Variants in HDAC9 observed in about 807,000 individuals in gnomAD.
HDAC9 encodes MEF-2 interacting transcription repressor (MITR) protein.
HDAC9 carries 41 observed loss-of-function variants against 139.4 expected under a neutral mutation model. That is an observed-to-expected ratio of 0.29 (90% confidence interval 0.23 to 0.38). HDAC9 has a LOEUF of 0.38. Ranked by LOEUF, HDAC9 falls within the 10% of genes least tolerant of loss-of-function variation. The probability of loss-of-function intolerance (pLI) is 1.00; values close to 1 mark genes in which losing one functional copy is unlikely to be tolerated. For synonymous variants in HDAC9, 517 were observed against 476.2 expected (o/e 1.09, Z -1.12); for missense variants, 1,147 against 1,297.0 (o/e 0.88, Z 1.78).
intron 2 of HDAC9, among the ~76,000 whole-genome samples, chr7:18,272,893 T>C (rs958144366): frequency 2.0e-5 from 3 of 150,984 alleles, no homozygotes; most frequent in African/African-American, 7.3e-5. Context: ...AGAATGGCAT[T>C]ATAAGATAAC....
At chr7:18,455,458 GA>G (rs1258135286) in intron 1 of HDAC9, among the ~76,000 whole-genome samples, 1 of 152,136 alleles carries the variant, frequency 6.6e-6, no homozygotes, top group African/African-American at 2.4e-5. Flanking sequence ...AATGGAAAAA[GA>G]ATTTTGTTAC....
chr7:18,507,693 A>G, intron 2 of HDAC9, among the ~76,000 whole-genome samples: 1 of 151,972 alleles, frequency 6.6e-6, no homozygotes, highest in Non-Finnish European at 1.5e-5. Context: ...GTTTCTTCAC[A>G]TTGGTCAGGC....
chr7:18,843,105 A>G (rs114815372), intron 21 of HDAC9, among the ~76,000 whole-genome samples: 356 of 152,268 alleles, frequency 2.3e-3, no homozygotes, highest in African/African-American at 8.3e-3. Context: ...TGGAATCTGT[A>G]TAGCAATTAA....
At chr7:18,183,442 C>G (rs1789663612) in intron 2 of HDAC9, among the ~76,000 whole-genome samples, 1 of 152,212 alleles carries the variant, frequency 6.6e-6, no homozygotes, top group Non-Finnish European at 1.5e-5. Context: ...GGAGACAAAT[C>G]TAAAGAATTT....
chr7:18,424,995 C>T (rs941820948), intron 1 of HDAC9, among the ~76,000 whole-genome samples: 1 of 152,078 alleles, frequency 6.6e-6, no homozygotes, highest in Admixed American at 6.6e-5. Flanking sequence ...TCAAATTGCA[C>T]ATTACTGATG....
At chr7:18,257,796 C>G (rs1425038457) in intron 2 of HDAC9, among the ~76,000 whole-genome samples, 1 of 152,178 alleles carries the variant, frequency 6.6e-6, no homozygotes, top group East Asian at 1.9e-4. Flanking sequence ...TTTAAAAATA[C>G]ATGTTTATAA....
At chr7:18,120,469 T>A (rs1332370261) in intron 1 of HDAC9, among the ~76,000 whole-genome samples, 1 of 152,140 alleles carries the variant, frequency 6.6e-6, no homozygotes, top group Non-Finnish European at 1.5e-5. Flanking sequence ...GTAAAGCCAA[T>A]TGAGGGATGG....
chr7:18,408,353 A>G (rs1213763938), intron 1 of HDAC9, among the ~76,000 whole-genome samples: 4 of 152,196 alleles, frequency 2.6e-5, no homozygotes, highest in Non-Finnish European at 5.9e-5. Flanking sequence ...ACAAATTCCT[A>G]ACTTGTGTCT....
intron 2 of HDAC9, among the ~76,000 whole-genome samples, chr7:18,556,425 C>CA (rs1173550003): frequency 1.3e-5 from 2 of 152,040 alleles, no homozygotes; most frequent in Non-Finnish European, 2.9e-5. Context: ...TAGGAAACAA[C>CA]ACCTAAAATT....
chr7:18,976,423 C>T (rs750733738), intron 25 of HDAC9, among the ~76,000 whole-genome samples: 1 of 152,210 alleles, frequency 6.6e-6, no homozygotes, highest in Admixed American at 6.5e-5. Context: ...ACACTCCTTA[C>T]GTGGCTGTCC....
At chr7:18,520,402 A>G (rs1804652956) in intron 2 of HDAC9, among the ~76,000 whole-genome samples, 2 of 152,192 alleles carry the variant, frequency 1.3e-5, no homozygotes, top group East Asian at 1.9e-4. Flanking sequence ...TATTAATATT[A>G]CTTTGCAACA....
chr7:18,303,425 T>TG (rs1554364291), intron 1 of HDAC9, among the ~76,000 whole-genome samples: 132 of 69,190 alleles, frequency 1.9e-3, no homozygotes, highest in African/African-American at 8.4e-3. Context: ...GTGTGTGTGT[T>TG]TTTAGTAGAG....
chr7:18,430,046 A>T (rs1333818310), intron 1 of HDAC9, among the ~76,000 whole-genome samples: 10 of 152,214 alleles, frequency 6.6e-5, no homozygotes, highest in Non-Finnish European at 2.9e-5. Context: ...AAGATAAAGA[A>T]TATCATCCTT....
intron 1 of HDAC9, among the ~76,000 whole-genome samples, chr7:18,340,735 T>C (rs571945186): frequency 7.1e-4 from 107 of 151,768 alleles, no homozygotes; most frequent in African/African-American, 2.2e-3. Flanking sequence ...TTATGAGTTT[T>C]GTTTAAACAT....
intron 1 of HDAC9, among the ~76,000 whole-genome samples, chr7:18,480,756 A>G (rs1795486095): frequency 6.6e-6 from 1 of 152,112 alleles, no homozygotes; most frequent in Non-Finnish European, 1.5e-5. Flanking sequence ...TTCTTAAGTG[A>G]TTTTTTTCTA....
intron 1 of HDAC9, among the ~76,000 whole-genome samples, chr7:18,124,965 C>T (rs1028116602): frequency 6.6e-6 from 1 of 151,312 alleles, no homozygotes; most frequent in Non-Finnish European, 1.5e-5. Context: ...GGGGAAGCTT[C>T]TCTGCCCTTC....
In HDAC9 at chr7:18,869,554, G is replaced by C. The variant is rs541112057; in HGVS notation, c.2685-4924G>C. On this transcript the variant is annotated intron_variant, in intron 21 of 25. Transcript: ENST00000686413. The stretch of plus-strand genomic sequence containing the variant: ...TTTCTTTATAAATTACCCAGTCTCA[G>C]GTATTTCTTCATAGCAGTGCAAGAA... Among the ~76,000 whole-genome samples, 10 of 152,098 alleles carry C rather than the reference G, an allele frequency of 6.6e-5. 1 individual carries two copies. In the East Asian group the frequency reaches 1.7e-3, roughly 26 times the overall value.
In HDAC9 at chr7:18,496,423, T is replaced by C. The variant is rs1586300051; in HGVS notation, c.22+99T>C. 6.9e-6 allele frequency: 7 copies of C among 1,020,802 alleles called. No homozygotes were observed. The East Asian group carries it at 1.7e-4, about 25-fold the overall frequency. 63.2% of individuals were successfully genotyped at this position (1,020,802 alleles called of 1,614,324 possible). ...GCACCTCTCTTAAGGAAATTGCTGC[T>C]TTTTCGTGTTGATGTTGCTATTTTC... On this transcript the variant is annotated intron_variant, in intron 2 of 25. Transcript: ENST00000686413.
At chr7:18,835,202 C>T (rs911864944) in intron 19 of HDAC9, among the ~76,000 whole-genome samples, 2 of 152,048 alleles carry the variant, frequency 1.3e-5, no homozygotes, top group African/African-American at 4.8e-5. Flanking sequence ...TCTGGAGTCT[C>T]CAGGGCATGC....
Sources: allele counts gnomAD v4.1 joint callset (sites outside exome capture counted in the v4.1 genomes callset), GRCh38; gene constraint gnomAD v4.1.1; transcripts MANE v1.5; gene names NCBI Gene and HGNC (gene_info 2026-07-23, HGNC 2026-07-21).